NALCN: variants seen among roughly 807,000 people sequenced by gnomAD.
The protein encoded by NALCN is sodium leak channel NALCN.
In NALCN, 111 loss-of-function variants were observed where a neutral mutation model predicts 225.3. That is an observed-to-expected ratio of 0.49 (90% CI 0.42 to 0.58). The LOEUF is 0.58. Among genes scored for constraint, NALCN ranks in the 20% least tolerant of loss-of-function variants. The probability of loss-of-function intolerance (pLI) is 0.00; values close to 1 mark genes in which losing one functional copy is unlikely to be tolerated. For missense variants in NALCN, 1,378 were observed against 2,202.4 expected (o/e 0.63, Z 7.49); for synonymous variants, 764 against 769.0 (o/e 0.99, Z 0.11).
At chr13:101,272,286 C>G (rs1355258807) in intron 10 of NALCN, among the ~76,000 whole-genome samples, 1 of 147,054 alleles carries the variant, frequency 6.8e-6, no homozygotes, top group African/African-American at 2.7e-5. Context: ...GACTGTGTGT[C>G]TCTGTTTGCG....
intron 7 of NALCN, among the ~76,000 whole-genome samples, chr13:101,326,003 A>G (rs1414608637): frequency 6.6e-6 from 1 of 152,194 alleles, no homozygotes; most frequent in Non-Finnish European, 1.5e-5. Context: ...ACCATAATTT[A>G]GATTTTATTT....
chr13:101,336,189 C>T (rs1013783431), intron 7 of NALCN, among the ~76,000 whole-genome samples: 2 of 151,896 alleles, frequency 1.3e-5, no homozygotes, highest in Non-Finnish European at 2.9e-5. Flanking sequence ...AGGGGTAGTC[C>T]GAAGCACAGA....
At chr13:101,258,057 G>A (rs917740004) in intron 11 of NALCN, among the ~76,000 whole-genome samples, 2 of 152,052 alleles carry the variant, frequency 1.3e-5, no homozygotes, top group African/African-American at 2.4e-5. Context: ...CCTCTTCTAC[G>A]TATTGCTGAG....
At chr13:101,156,803 A>G (rs982769505) in intron 15 of NALCN, among the ~76,000 whole-genome samples, 2 of 152,192 alleles carry the variant, frequency 1.3e-5, no homozygotes, top group Admixed American at 1.3e-4. Flanking sequence ...GGCATGGAAA[A>G]TACGTACTTT....
intron 18 of NALCN, among the ~76,000 whole-genome samples, chr13:101,116,026 C>T (rs1594238167): frequency 6.6e-6 from 1 of 152,240 alleles, no homozygotes; most frequent in East Asian, 1.9e-4. Context: ...TATGTAATCC[C>T]TTTATTCCTG....
At chr13:101,240,369 A>T (rs952166483) in intron 11 of NALCN, among the ~76,000 whole-genome samples, 9 of 150,282 alleles carry the variant, frequency 6.0e-5, no homozygotes, top group African/African-American at 1.5e-4. Context: ...CTATCTATGT[A>T]TTTTTTCTTT....
In NALCN at chr13:101,256,592, T is replaced by C. The variant is rs562192739; in HGVS notation, c.1266+1851A>G. On this transcript the variant is annotated intron_variant, in intron 11 of 43. Coordinates refer to ENST00000251127, the MANE Select transcript of NALCN (RefSeq NM_052867.4). ...CCTAACCCCAGGCACCTCTTCCCTC[T>C]CCCCTTTCTTTGCCAACTTCCCACT... Among the ~76,000 whole-genome samples the C allele has an allele frequency of 3.5e-4, 54 of 152,202 alleles. No homozygotes were observed. The South Asian group carries it at 1.0e-2, about 28-fold the overall frequency.
intron 37 of NALCN, among the ~76,000 whole-genome samples, chr13:101,070,855 T>C (rs766939639): frequency 1.1e-4 from 16 of 152,184 alleles, no homozygotes; most frequent in Admixed American, 2.0e-4. Context: ...GGGTAATTTA[T>C]AAAGGAAAGA....
intron 10 of NALCN, among the ~76,000 whole-genome samples, chr13:101,279,401 G>A (rs2043072082): frequency 6.6e-6 from 1 of 152,156 alleles, no homozygotes; most frequent in Admixed American, 6.5e-5. Flanking sequence ...TAACCTCCAA[G>A]TTACTCATTG....
chr13:101,360,059 TTC>T (rs1009652297), intron 6 of NALCN, among the ~76,000 whole-genome samples: 2 of 121,116 alleles, frequency 1.7e-5, no homozygotes, highest in African/African-American at 6.2e-5. Context: ...CTTTTTCTCT[TTC>T]TTTCTTTTTC....
At chr13:101,404,271 G>A (rs948331596) in intron 1 of NALCN, among the ~76,000 whole-genome samples, 55 of 152,226 alleles carry the variant, frequency 3.6e-4, no homozygotes, top group African/African-American at 1.2e-3. Context: ...CTGTGCTATC[G>A]GGCATAATGA....
chr13:101,111,284 A>C, intron 18 of NALCN, 58 bp from the exon 19 acceptor site: 11 of 1,375,874 alleles, frequency 8.0e-6, no homozygotes, highest in Non-Finnish European at 1.0e-5. Context: ...GAGATGAATA[A>C]CACATAAGTG....
intron 7 of NALCN, among the ~76,000 whole-genome samples, chr13:101,329,901 T>G (rs2045099237): frequency 6.6e-6 from 1 of 151,606 alleles, no homozygotes; most frequent in Non-Finnish European, 1.5e-5. Context: ...TAGCCGGGCG[T>G]GGTGGCTCAC....
intron 7 of NALCN, among the ~76,000 whole-genome samples, chr13:101,330,912 A>C (rs902514859): frequency 6.6e-6 from 1 of 152,068 alleles, no homozygotes; most frequent in East Asian, 1.9e-4. Flanking sequence ...TTACTTCTTC[A>C]CCTTGTGCCA....
intron 1 of NALCN, among the ~76,000 whole-genome samples, chr13:101,409,452 T>C (rs185897705): frequency 3.0e-4 from 46 of 152,248 alleles, no homozygotes; most frequent in African/African-American, 1.1e-3. Context: ...AACTCCCCAT[T>C]TTCCCCTCCT....
intron 9 of NALCN, among the ~76,000 whole-genome samples, chr13:101,288,898 T>C (rs1008081793): frequency 2.0e-5 from 3 of 152,218 alleles, no homozygotes; most frequent in Non-Finnish European, 2.9e-5. Flanking sequence ...ATCTCCATCA[T>C]GAGCTAGTCT....
chr13:101,404,070 T>C (rs2047551616), intron 1 of NALCN, among the ~76,000 whole-genome samples: 1 of 152,204 alleles, frequency 6.6e-6, no homozygotes, highest in African/African-American at 2.4e-5. Flanking sequence ...TCCCTCCATG[T>C]TCCTGACATG....
rs1253146194 is a variant in NALCN, at chr13:101,189,798, A to G, written c.1764+2119T>C. ...CTTATAACTGTTGTTTGAAAATTGC[A>G]ATAAAAAAGTTAGAACAGATGTTTT... On this transcript the variant is annotated intron_variant, in intron 14 of 43. Transcript: ENST00000251127. Among the ~76,000 whole-genome samples, 3 of 152,220 alleles carry G rather than the reference A, an allele frequency of 2.0e-5. No individual in the cohort carries two copies. In the East Asian group the frequency reaches 5.8e-4, roughly 29 times the overall value.
intron 17 of NALCN, among the ~76,000 whole-genome samples, chr13:101,136,386 T>C (rs1015285990): frequency 2.0e-5 from 3 of 152,198 alleles, no homozygotes; most frequent in East Asian, 1.9e-4. Context: ...GCATGTGCCA[T>C]GTTTGTGTGC....
Sources: allele counts gnomAD v4.1 joint callset (sites outside exome capture counted in the v4.1 genomes callset), GRCh38; gene constraint gnomAD v4.1.1; transcripts MANE v1.5; gene names NCBI Gene and HGNC (gene_info 2026-07-23, HGNC 2026-07-21).